The following MBTD1 variants were observed in gnomAD, a reference collection of about 807,000 sequenced individuals.
MBTD1 encodes the protein mbt domain containing 1.
Under a neutral mutation model 87.8 loss-of-function variants are expected in MBTD1, and 24 were observed. The observed-to-expected ratio is 0.27, with a 90% CI of 0.20 to 0.38. The LOEUF (loss-of-function observed/expected upper bound fraction) is 0.38, where lower values mean the gene tolerates loss of function less well. Among genes scored for constraint, MBTD1 ranks in the 10% least tolerant of loss-of-function variants. The pLI is 1.00. For missense variants in MBTD1, 436 were observed against 760.2 expected (o/e 0.57, Z 5.02); for synonymous variants, 237 against 248.6 (o/e 0.95, Z 0.44).
intron 6 of MBTD1, among the ~76,000 whole-genome samples, chr17:51,214,103 G>A (rs2052427103): frequency 1.4e-5 from 2 of 147,152 alleles, no homozygotes; most frequent in Non-Finnish European, 3.0e-5. Context: ...ACACACATAT[G>A]TATATATGCA....
Position 51,201,713 on chromosome 17 carries a change from A to G in MBTD1, c.1120-17T>C. Reference sequence around the variant, plus strand: ...TTCTTTTACCTAAAGAATTATATGAAAGCACATCTACTGTTACAAATGTTG... The same window carrying G: ...TTCTTTTACCTAAAGAATTATATGAGAGCACATCTACTGTTACAAATGTTG... On this transcript the variant is annotated splice_polypyrimidine_tract_variant and intron_variant, in intron 11 of 16. Coordinates refer to ENST00000586178, the MANE Select transcript of MBTD1 (RefSeq NM_017643.3). 1 of 1,406,820 alleles carries G rather than the reference A, an allele frequency of 7.1e-7. No homozygotes were observed. Among genetic ancestry groups the G allele is most frequent in the South Asian group, 1.2e-5 (1 of 85,068 alleles). 87.1% of individuals were successfully genotyped at this position (1,406,820 alleles called of 1,614,324 possible).
chr17:51,190,721 C>CAAAAAA (rs1165717944), intron 16 of MBTD1, among the ~76,000 whole-genome samples: 10 of 35,158 alleles, frequency 2.8e-4, no homozygotes, highest in African/African-American at 7.4e-4. Flanking sequence ...GACTCTGTCT[C>CAAAAAA]AAAAAAAAAA....
At position 51,179,488 on chromosome 17, in the gene MBTD1, A is replaced by ATATATATATATATATATATATATATATT. The variant is rs2050207876; in HGVS notation, c.*1087_*1088insAATATATATATATATATATATATATATA. On this transcript the variant is annotated 3_prime_UTR_variant, in exon 17 of 17. Coordinates refer to ENST00000586178, the MANE Select transcript of MBTD1 (RefSeq NM_017643.3). ...TGAATACAATTAAAGACAATTTTAT[A>ATATATATATATATATATATATATATATT]TATATATATATATATATATATATAT... The ATATATATATATATATATATATATATATT allele has an allele frequency of 5.4e-5, 1 of 18,464 alleles. No individual in the cohort carries two copies. The highest frequency in any genetic ancestry group is 1.1e-4 in the Non-Finnish European group (1 of 8,888). 1.1% of individuals were successfully genotyped at this position (18,464 alleles called of 1,614,324 possible).
chr17:51,206,311 T>C (rs960857769), intron 7 of MBTD1, among the ~76,000 whole-genome samples: 3 of 152,192 alleles, frequency 2.0e-5, no homozygotes, highest in African/African-American at 2.4e-5. Context: ...TCTCGCTATT[T>C]TGCCCAGGTG....
At chr17:51,255,484 G>C (rs2055031281) in intron 2 of MBTD1, among the ~76,000 whole-genome samples, 1 of 151,988 alleles carries the variant, frequency 6.6e-6, no homozygotes, top group Admixed American at 6.6e-5. Context: ...ACAAAGATGG[G>C]TTAAACACAT....
At chr17:51,211,019 C>T (rs1201399862) in intron 6 of MBTD1, among the ~76,000 whole-genome samples, 1 of 151,120 alleles carries the variant, frequency 6.6e-6, no homozygotes, top group Non-Finnish European at 1.5e-5. Flanking sequence ...CACCTGTAGT[C>T]CCAGCTAGTC....
chr17:51,195,411 T>C, intron 12 of MBTD1, 50 bp from the exon 13 acceptor site: 3 of 1,420,562 alleles, frequency 2.1e-6, no homozygotes, highest in East Asian at 2.4e-5. Flanking sequence ...ACCACTATTA[T>C]AAAAATAATA....
At chr17:51,183,214 A>C (rs1454144826) in intron 16 of MBTD1, 1 of 137,734 alleles carries the variant, frequency 7.3e-6, no homozygotes, top group Non-Finnish European at 1.5e-5. Context: ...TCTGTCACCT[A>C]GACTGGAGTG....
chr17:51,240,118 TTCTC>T (rs2054080186), intron 2 of MBTD1, among the ~76,000 whole-genome samples: 1 of 152,202 alleles, frequency 6.6e-6, no homozygotes, highest in South Asian at 2.1e-4. Flanking sequence ...TCTATAACTG[TTCTC>T]AAAAGTCTTT....
rs1262522572 is a variant in MBTD1, at chr17:51,177,779, T to C, written c.*2797A>G. Reference sequence around the variant, plus strand: ...ATTTGCCCAGGGACAGATGCTTTTCTTTTGTATAAATGACTGTGGCTTTAT... The same window carrying C: ...ATTTGCCCAGGGACAGATGCTTTTCCTTTGTATAAATGACTGTGGCTTTAT... On this transcript the variant is annotated 3_prime_UTR_variant, in exon 17 of 17. Coordinates refer to ENST00000586178, the MANE Select transcript of MBTD1 (RefSeq NM_017643.3). 1 of 152,216 alleles carries C rather than the reference T, an allele frequency of 6.6e-6. No homozygotes were observed. The highest frequency in any genetic ancestry group is 2.4e-5 in the African/African-American group (1 of 41,458). 9.4% of individuals were successfully genotyped at this position (152,216 alleles called of 1,614,324 possible). A position where few individuals can be genotyped will look rare whatever the true frequency, so the allele number is the denominator to read the frequency against.
intron 7 of MBTD1, among the ~76,000 whole-genome samples, chr17:51,205,709 G>A (rs1466559411): frequency 1.3e-5 from 2 of 152,062 alleles, no homozygotes; most frequent in Non-Finnish European, 1.5e-5. Context: ...CAATACATCT[G>A]GCATGTGGTA....
Position 51,260,004 on chromosome 17 carries a change from G to T in MBTD1, c.-282C>A. 3 of 542,302 alleles carry T rather than the reference G, an allele frequency of 5.5e-6. No individual in the cohort carries two copies. The highest frequency in any genetic ancestry group is 8.4e-6 in the Non-Finnish European group (3 of 358,494). The allele number at this position is 542,302 out of a possible 1,614,324, so 33.6% of individuals were successfully genotyped here. ...CCGGTGGCGGGTGCAGCAGCCCCCG[G>T]ATTTCCCCCCTTTAACTCGGGTGGC... On this transcript the variant is annotated 5_prime_UTR_variant, in exon 1 of 17. Coordinates refer to ENST00000586178, the MANE Select transcript of MBTD1 (RefSeq NM_017643.3).
rs201712028 is a variant in MBTD1, at chr17:51,193,113, AATAAC to A, written c.1456-102_1456-98del. 9.2e-3 allele frequency: 7,017 copies of A among 764,880 alleles called. 44 individuals are homozygous for A. The highest frequency in any genetic ancestry group is 0.01 in the Non-Finnish European group (4,607 of 455,836). The allele number at this position is 764,880 out of a possible 1,614,324, so 47.4% of individuals were successfully genotyped here. A position where few individuals can be genotyped will look rare whatever the true frequency, so the allele number is the denominator to read the frequency against. On this transcript the variant is annotated intron_variant, in intron 14 of 16. Coordinates refer to ENST00000586178, the MANE Select transcript of MBTD1 (RefSeq NM_017643.3). ...AGCAAAAAACAGAAGCGACTAGCTA[AATAAC>A]ATAATTATAAACCATAAATTCCAAA...
intron 2 of MBTD1, among the ~76,000 whole-genome samples, chr17:51,255,178 G>A (rs2055012407): frequency 6.6e-6 from 1 of 152,110 alleles, no homozygotes; most frequent in Admixed American, 6.5e-5. Context: ...CCACTCGGGA[G>A]GCTGAGGCAG....
chr17:51,219,106 C>A, intron 4 of MBTD1, 62 bp from the exon 5 acceptor site: 1 of 806,254 alleles, frequency 1.2e-6, no homozygotes, highest in Non-Finnish European at 2.1e-6. Flanking sequence ...CACAATTTAA[C>A]TGGACTGCAT....
At chr17:51,195,170 G>A (rs1267336405) in intron 13 of MBTD1, 44 bp downstream of exon 13, 5 of 1,571,806 alleles carry the variant, frequency 3.2e-6, no homozygotes, top group Non-Finnish European at 4.3e-6. Flanking sequence ...CATGTAAGAA[G>A]AAAGCAACAA....
At chr17:51,203,361 G>GC in intron 8 of MBTD1, 133 bp from the exon 9 acceptor site, 2 of 551,110 alleles carry the variant, frequency 3.6e-6, no homozygotes, top group East Asian at 6.2e-5. Flanking sequence ...TATAGAGAAA[G>GC]CAAGTATATG....
At position 51,201,639 on chromosome 17, in the gene MBTD1, T is replaced by C; in HGVS notation, c.1177A>G (p.Ile393Val). The C allele has an allele frequency of 6.2e-7, 1 of 1,612,278 alleles. No individual in the cohort carries two copies. The highest frequency in any genetic ancestry group is 8.5e-7 in the Non-Finnish European group (1 of 1,178,944). ...ATTGTAGAAAGATTTAATGGGTCTA[T>C]AGCTTCCAATTTCATTCCTTCCTTG... ...WFKEGMKLEA[I>V]DPLNLSTICV... The change falls in exon 12 of 17, where the codon ATA becomes GTA. Residue 393 changes from isoleucine (I) to valine (V), a missense_variant. Ile to Val is a conservative substitution (Grantham distance 29, BLOSUM62 3). Transcript: ENST00000586178.
intron 2 of MBTD1, 48 bp from the exon 3 acceptor site, chr17:51,225,257 A>C (rs2053144191): frequency 1.5e-5 from 16 of 1,050,744 alleles, no homozygotes; most frequent in Non-Finnish European, 2.1e-5. Flanking sequence ...ACTCATACAC[A>C]CCCCCTAAAA....
Sources: allele counts gnomAD v4.1 joint callset (sites outside exome capture counted in the v4.1 genomes callset), GRCh38; gene constraint gnomAD v4.1.1; transcripts MANE v1.5; gene names NCBI Gene and HGNC (gene_info 2026-07-23, HGNC 2026-07-21).